The following LZTS1 variants were observed in gnomAD, a reference collection of about 807,000 sequenced individuals.
LZTS1 encodes leucine zipper tumor suppressor 1.
Under a neutral mutation model 45.8 loss-of-function variants are expected in LZTS1, and 31 were observed. That is an observed-to-expected ratio of 0.68 (90% CI 0.51 to 0.91). LZTS1 has a LOEUF of 0.91. LZTS1 is among the 40% of genes least tolerant of loss of function. LZTS1 has a pLI of 0.00. For synonymous variants in LZTS1, 359 were observed against 357.3 expected (o/e 1.00, Z -0.05); for missense variants, 821 against 788.9 (o/e 1.04, Z -0.49).
Position 20,253,327 on chromosome 8 carries a change from G to T in LZTS1, c.604C>A (p.Pro202Thr), listed in dbSNP as rs1343076994. The T allele has an allele frequency of 3.1e-6, 5 of 1,613,834 alleles. No individual in the cohort carries two copies. The South Asian group carries it at 5.5e-5, about 18-fold the overall frequency. ...QLDPLVTPVG[P>T]TSRFGGSAHN... ...GCGGAGCCCCCAAAACGGCTTGTGG[G>T]TCCCACGGGTGTGACCAGCGGGTCC... The change falls in exon 3 of 4, where the codon CCC becomes ACC. Residue 202 changes from proline to threonine, a missense_variant. Physicochemically the swap from Pro to Thr is conservative, Grantham distance 38. Transcript: ENST00000381569.
intron 1 of LZTS1, among the ~76,000 whole-genome samples, chr8:20,267,107 C>CAAAAAA: frequency 9.1e-6 from 1 of 109,692 alleles, no homozygotes; most frequent in South Asian, 3.1e-4. Context: ...GACTCCATCT[C>CAAAAAA]AAAAAAAAAA....
chr8:20,266,024 A>ATT (rs1175112355), intron 1 of LZTS1, among the ~76,000 whole-genome samples: 6 of 144,766 alleles, frequency 4.1e-5, no homozygotes, highest in African/African-American at 5.1e-5. Flanking sequence ...ATGCTCAACA[A>ATT]TTTTTTTTTT....
chr8:20,274,690 T>G (rs11985274), intron 1 of LZTS1, among the ~76,000 whole-genome samples: 3 of 152,086 alleles, frequency 2.0e-5, no homozygotes, highest in Non-Finnish European at 4.4e-5. Flanking sequence ...AGCTCCACTT[T>G]GTGAAAATAA....
chr8:20,261,517 G>A lies in LZTS1; in HGVS notation c.-134-6202C>T, dbSNP rs145894812. Among the ~76,000 whole-genome samples the A allele has an allele frequency of 1.7e-3, 256 of 152,290 alleles. 1 individual carries two copies. Among genetic ancestry groups the A allele is most frequent in the Non-Finnish European group, 2.3e-3 (158 of 68,016 alleles). ...ACTTTTGAGCGGCTTCTACTCAAAAGTAGTGGGAGCACCTGAGCTGCCCCA... is the reference window on the plus strand; with the variant it reads ...ACTTTTGAGCGGCTTCTACTCAAAAATAGTGGGAGCACCTGAGCTGCCCCA... On this transcript the variant is annotated intron_variant, in intron 1 of 3. Coordinates refer to ENST00000381569, the MANE Select transcript of LZTS1 (RefSeq NM_021020.5).
chr8:20,293,922 CA>C (rs1433382595), intron 1 of LZTS1, among the ~76,000 whole-genome samples: 1 of 150,792 alleles, frequency 6.6e-6, no homozygotes, highest in Non-Finnish European at 1.5e-5. Flanking sequence ...GACTCTGCCT[CA>C]AAAAAACAAA....
chr8:20,288,088 C>T (rs1253949640), intron 1 of LZTS1, among the ~76,000 whole-genome samples: 1 of 152,056 alleles, frequency 6.6e-6, no homozygotes, highest in Non-Finnish European at 1.5e-5. Flanking sequence ...ATCCTGTCTC[C>T]TGCTCCGTCT....
At chr8:20,290,193 T>A (rs1800876391) in intron 1 of LZTS1, 1 of 152,102 alleles carries the variant, frequency 6.6e-6, no homozygotes, top group South Asian at 2.1e-4. Context: ...CCTACCACTC[T>A]GAACACGCCG....
chr8:20,255,265 G>C lies in LZTS1; in HGVS notation c.-84C>G. 1 of 1,496,384 alleles carries C rather than the reference G, an allele frequency of 6.7e-7. No individual in the cohort carries two copies. Among genetic ancestry groups the C allele is most frequent in the Non-Finnish European group, 8.9e-7 (1 of 1,127,926 alleles). The allele number at this position is 1,496,384 out of a possible 1,614,324, so 92.7% of individuals were successfully genotyped here. On this transcript the variant is annotated 5_prime_UTR_variant, in exon 2 of 4. Transcript: ENST00000381569. The stretch of plus-strand genomic sequence containing the variant: ...GCAAGGGGCAGTCGTGGCTCCGTGA[G>C]GGGACTGAGGTCATAGCAAAGCCCT...
At chr8:20,272,587 A>T (rs1800494887) in intron 1 of LZTS1, among the ~76,000 whole-genome samples, 2 of 152,168 alleles carry the variant, frequency 1.3e-5, no homozygotes, top group African/African-American at 4.8e-5. Flanking sequence ...CTCAAATCTT[A>T]TCAGTCCTTT....
intron 1 of LZTS1, among the ~76,000 whole-genome samples, chr8:20,262,513 G>A (rs1800256418): frequency 6.6e-6 from 1 of 152,106 alleles, no homozygotes; most frequent in African/African-American, 2.4e-5. Context: ...TAGATGGAGT[G>A]GCCAGGAAAG....
chr8:20,264,986 G>A (rs1330587600), intron 1 of LZTS1, among the ~76,000 whole-genome samples: 1 of 152,116 alleles, frequency 6.6e-6, no homozygotes, highest in Non-Finnish European at 1.5e-5. Context: ...GATACAAATG[G>A]GAGTTCAGCC....
Position 20,250,806 on chromosome 8 carries a change from C to G in LZTS1, c.1150-443G>C, listed in dbSNP as rs1410213061. ...TAGAGACGGGGTTTCCTCATGTTGG[C>G]CAGGCTGATCTCGAATTCCTGACCT... On this transcript the variant is annotated intron_variant, in intron 3 of 3. Transcript: ENST00000381569. Among the ~76,000 whole-genome samples the G allele has an allele frequency of 3.9e-5, 6 of 151,996 alleles. No individual in the cohort carries two copies. The East Asian group carries it at 1.2e-3, about 30-fold the overall frequency.
At chr8:20,297,017 C>T in intron 1 of LZTS1, among the ~76,000 whole-genome samples, 1 of 152,174 alleles carries the variant, frequency 6.6e-6, no homozygotes, top group Admixed American at 6.6e-5. Context: ...CTTCCGCCTC[C>T]CTTCGCTCCC....
intron 1 of LZTS1, among the ~76,000 whole-genome samples, chr8:20,290,669 G>A (rs1270972897): frequency 6.6e-6 from 1 of 152,234 alleles, no homozygotes; most frequent in East Asian, 1.9e-4. Flanking sequence ...TCAGCCGGAT[G>A]TATGTCCTCT....
chr8:20,246,293 G>C lies in LZTS1; in HGVS notation c.*3429C>G, dbSNP rs1457978044. 6.6e-6 allele frequency: 1 copy of C among 152,482 alleles called. No individual in the cohort carries two copies. Among genetic ancestry groups the C allele is most frequent in the African/African-American group, 2.4e-5 (1 of 41,448 alleles). 9.4% of individuals were successfully genotyped at this position (152,482 alleles called of 1,614,324 possible). On this transcript the variant is annotated 3_prime_UTR_variant, in exon 4 of 4. Coordinates refer to ENST00000381569, the MANE Select transcript of LZTS1 (RefSeq NM_021020.5). The stretch of plus-strand genomic sequence containing the variant: ...GTCAAAAGCAAACCAAACCAAACAA[G>C]AAACCACAAAGAGAAAAATAACTAT...
chr8:20,249,561 A>T lies in LZTS1; in HGVS notation c.*161T>A. 1.2e-6 allele frequency: 1 copy of T among 820,150 alleles called. No individual in the cohort carries two copies. The highest frequency in any genetic ancestry group is 1.9e-6 in the Non-Finnish European group (1 of 538,558). The allele number at this position is 820,150 out of a possible 1,614,324, so 50.8% of individuals were successfully genotyped here. On this transcript the variant is annotated 3_prime_UTR_variant, in exon 4 of 4. Transcript: ENST00000381569. ...GCTGGTGAGCACTGGGACATCAGAG[A>T]GGGAAGGAAAGGCCATCCTGCCCTC...
intron 2 of LZTS1, among the ~76,000 whole-genome samples, chr8:20,254,428 C>CG (rs1800034786): frequency 6.6e-6 from 1 of 152,196 alleles, no homozygotes; most frequent in South Asian, 2.1e-4. Context: ...ACGAGTCTCC[C>CG]GGGGAGAGAA....
At chr8:20,270,385 C>T (rs760923022) in intron 1 of LZTS1, among the ~76,000 whole-genome samples, 6 of 152,248 alleles carry the variant, frequency 3.9e-5, no homozygotes, top group Non-Finnish European at 7.3e-5. Flanking sequence ...AAGTCCCCCA[C>T]CCTGCACCCC....
chr8:20,262,482 G>A (rs1800255716), intron 1 of LZTS1, among the ~76,000 whole-genome samples: 1 of 152,146 alleles, frequency 6.6e-6, no homozygotes, highest in East Asian at 1.9e-4. Context: ...GTGTATACGT[G>A]TGCATGTGTG....
Sources: allele counts gnomAD v4.1 joint callset (sites outside exome capture counted in the v4.1 genomes callset), GRCh38; gene constraint gnomAD v4.1.1; transcripts MANE v1.5; gene names NCBI Gene and HGNC (gene_info 2026-07-23, HGNC 2026-07-21).